MIPOL1: variants seen among roughly 807,000 people sequenced by gnomAD.
MIPOL1 encodes the protein mirror-image polydactyly 1, also known as mirror-image polydactyly gene 1 protein.
MIPOL1 carries 57 observed loss-of-function variants against 60.9 expected under a neutral mutation model. The observed-to-expected ratio is 0.94, with a 90% CI of 0.76 to 1.17. The LOEUF (loss-of-function observed/expected upper bound fraction) is 1.17, where lower values mean the gene tolerates loss of function less well. Among genes scored for constraint, MIPOL1 ranks in the 50% most tolerant of loss-of-function variants. The pLI, the probability that MIPOL1 is intolerant of heterozygous loss-of-function variation, is 0.00. For missense variants in MIPOL1, 551 were observed against 511.6 expected (o/e 1.08, Z -0.74); for synonymous variants, 179 against 168.8 (o/e 1.06, Z -0.47).
intron 6 of MIPOL1, among the ~76,000 whole-genome samples, chr14:37,276,105 TTCTC>T (rs532251821): frequency 2.1e-4 from 32 of 151,154 alleles, no homozygotes; most frequent in Non-Finnish European, 4.2e-4. Context: ...GTCTCTCCCT[TTCTC>T]TCTCTCTATT....
At chr14:37,299,161 G>A (rs1473366775) in intron 7 of MIPOL1, among the ~76,000 whole-genome samples, 6 of 152,036 alleles carry the variant, frequency 3.9e-5, no homozygotes, top group African/African-American at 1.5e-4. Flanking sequence ...CATGGATGAA[G>A]CTGGAAACCA....
chr14:37,504,024 G>C (rs1258089906), intron 12 of MIPOL1: 2 of 152,066 alleles, frequency 1.3e-5, no homozygotes, highest in Non-Finnish European at 1.5e-5. Flanking sequence ...ATTACATAAT[G>C]GTAAAGGGAT....
chr14:37,356,064 G>A (rs1173230878), intron 9 of MIPOL1, among the ~76,000 whole-genome samples: 4 of 147,274 alleles, frequency 2.7e-5, no homozygotes, highest in South Asian at 4.5e-4. Context: ...TTTGATGATG[G>A]TGATGTACAG....
At position 37,542,102 on chromosome 14, in the gene MIPOL1, A is replaced by G. The variant is rs561955524; in HGVS notation, c.1263-4803A>G. 5.3e-5 allele frequency among the ~76,000 whole-genome samples: 8 copies of G among 152,206 alleles called. No individual in the cohort carries two copies. The South Asian group carries it at 8.3e-4, about 16-fold the overall frequency. The stretch of plus-strand genomic sequence containing the variant: ...TTCTCACTTTTATCATACCATTACA[A>G]TTGCACTCAAAAAAGGTTATCACTT... On this transcript the variant is annotated intron_variant, in intron 12 of 12. Coordinates refer to ENST00000684589, the MANE Select transcript of MIPOL1 (RefSeq NM_001388067.1).
chr14:37,204,977 T>C (rs1965853625), intron 1 of MIPOL1, among the ~76,000 whole-genome samples: 1 of 152,126 alleles, frequency 6.6e-6, no homozygotes, highest in Non-Finnish European at 1.5e-5. Flanking sequence ...TGGTCTCAGA[T>C]AGAAATGAGG....
At chr14:37,420,828 GA>G (rs1407990852) in intron 10 of MIPOL1, among the ~76,000 whole-genome samples, 2 of 152,148 alleles carry the variant, frequency 1.3e-5, no homozygotes, top group African/African-American at 4.8e-5. Context: ...GATGGGGGAT[GA>G]AGTTCATTGT....
intron 9 of MIPOL1, among the ~76,000 whole-genome samples, chr14:37,330,104 C>A (rs1178072137): frequency 6.6e-6 from 1 of 151,914 alleles, no homozygotes; most frequent in Non-Finnish European, 1.5e-5. Flanking sequence ...CAAATCAGAC[C>A]TTTTATGTGG....
At chr14:37,414,459 T>G (rs1212227973) in intron 10 of MIPOL1, among the ~76,000 whole-genome samples, 1 of 152,176 alleles carries the variant, frequency 6.6e-6, no homozygotes, top group Non-Finnish European at 1.5e-5. Context: ...TGTATCATGT[T>G]TGTCAGCCAT....
intron 9 of MIPOL1, among the ~76,000 whole-genome samples, chr14:37,332,722 T>G (rs11156943): frequency 6.6e-6 from 1 of 151,930 alleles, no homozygotes. Context: ...CAATCTGTGG[T>G]ACATATCAGG....
intron 11 of MIPOL1, chr14:37,434,600 G>T (rs1275809941): frequency 2.0e-5 from 3 of 151,902 alleles, no homozygotes; most frequent in African/African-American, 7.3e-5. Flanking sequence ...TAGAGGCAAG[G>T]TCTCACTATG....
At chr14:37,356,383 A>T (rs2091827593) in intron 9 of MIPOL1, among the ~76,000 whole-genome samples, 1 of 151,986 alleles carries the variant, frequency 6.6e-6, no homozygotes, top group South Asian at 2.1e-4. Context: ...CTGCCCCCAG[A>T]GGTGAAGCCT....
chr14:37,470,906 A>C (rs2094679733), intron 11 of MIPOL1, among the ~76,000 whole-genome samples: 1 of 152,164 alleles, frequency 6.6e-6, no homozygotes, highest in Admixed American at 6.5e-5. Flanking sequence ...GTGTCTTTTA[A>C]TGCAAAAGAG....
rs1195597409 is a variant in MIPOL1, at chr14:37,537,212, A to C, written c.1263-9693A>C. ...TTCTTTGGTTTCTACTTAATCTCAA[A>C]GATCTTAATATGAAGATTAACAAAG... On this transcript the variant is annotated intron_variant, in intron 12 of 12. Transcript: ENST00000684589. Among the ~76,000 whole-genome samples, 4 of 152,256 alleles carry C rather than the reference A, an allele frequency of 2.6e-5. No homozygotes were observed. The East Asian group carries it at 7.7e-4, about 29-fold the overall frequency.
intron 11 of MIPOL1, among the ~76,000 whole-genome samples, chr14:37,466,527 A>G (rs1434894507): frequency 1.3e-5 from 2 of 152,166 alleles, no homozygotes; most frequent in Non-Finnish European, 2.9e-5. Context: ...GGCTTTGGAC[A>G]GGGGGGCAGT....
At chr14:37,492,816 G>A (rs554129576) in intron 11 of MIPOL1, among the ~76,000 whole-genome samples, 13 of 152,166 alleles carry the variant, frequency 8.5e-5, no homozygotes, top group African/African-American at 2.6e-4. Context: ...CCTCTGTTTA[G>A]CAGCATCTTT....
At chr14:37,205,504 C>T (rs1256081093) in intron 1 of MIPOL1, among the ~76,000 whole-genome samples, 1 of 151,740 alleles carries the variant, frequency 6.6e-6, no homozygotes, top group Non-Finnish European at 1.5e-5. Flanking sequence ...TTCTAGGGTA[C>T]ATGTACACAA....
chr14:37,532,015 A>G (rs943819701), intron 12 of MIPOL1, among the ~76,000 whole-genome samples: 3 of 152,154 alleles, frequency 2.0e-5, no homozygotes, highest in South Asian at 4.1e-4. Context: ...GAGGGTGACT[A>G]TGTATTACTT....
intron 9 of MIPOL1, among the ~76,000 whole-genome samples, chr14:37,359,258 C>G (rs1214786709): frequency 1.3e-5 from 2 of 152,160 alleles, no homozygotes; most frequent in African/African-American, 4.8e-5. Context: ...AGTTTGAAGT[C>G]AGGTAGCGTG....
At position 37,486,650 on chromosome 14, in the gene MIPOL1, A is replaced by G. The variant is rs147410984; in HGVS notation, c.1032-13258A>G. Among the ~76,000 whole-genome samples, 93 of 152,244 alleles carry G rather than the reference A, an allele frequency of 6.1e-4. No individual in the cohort carries two copies. In the Middle Eastern group the frequency reaches 0.031, roughly 50 times the overall value. ...GTTTGTCTGTTATTGGTGTATAGGAATGCTTGTGATTTTTGCTCATTGATT... is the reference window on the plus strand; with the variant it reads ...GTTTGTCTGTTATTGGTGTATAGGAGTGCTTGTGATTTTTGCTCATTGATT... On this transcript the variant is annotated intron_variant, in intron 11 of 12. Coordinates refer to ENST00000684589, the MANE Select transcript of MIPOL1 (RefSeq NM_001388067.1).
Sources: gnomAD v4.1 joint callset for allele counts (sites outside exome capture counted in the v4.1 genomes callset) on GRCh38, gnomAD v4.1.1 for gene constraint, MANE v1.5 for transcripts, NCBI Gene and HGNC (gene_info 2026-07-23, HGNC 2026-07-21) for gene names.